Variants in DNAH9 observed in about 807,000 individuals in gnomAD.
DNAH9 encodes dynein axonemal heavy chain 9, also known as DNAH9 variant protein.
DNAH9 carries 345 observed loss-of-function variants against 471.6 expected under a neutral mutation model. The ratio of observed to expected loss-of-function variants is 0.73; its 90% CI spans 0.67 to 0.80. DNAH9 has a LOEUF of 0.80. Ranked by LOEUF, DNAH9 falls within the 30% of genes least tolerant of loss-of-function variation. The pLI is 0.00. For missense variants in DNAH9, 5,407 were observed against 5,609.2 expected (o/e 0.96, Z 1.15); for synonymous variants, 2,093 against 2,123.6 (o/e 0.99, Z 0.40).
chr17:11,652,468 G>A (rs1204429645), intron 13 of DNAH9, among the ~76,000 whole-genome samples: 1 of 151,696 alleles, frequency 6.6e-6, no homozygotes, highest in Admixed American at 6.6e-5. Flanking sequence ...TGTATTTTTA[G>A]TAGAGACAGG....
chr17:11,821,125 A>G lies in DNAH9; in HGVS notation c.8708-795A>G, dbSNP rs369667851. The stretch of plus-strand genomic sequence containing the variant: ...TGGTGAAATTCTATCTCTACTAAAA[A>G]TACAAAAAAAATTAGCCGGGCATGG... On this transcript the variant is annotated intron_variant, in intron 45 of 68. Coordinates refer to ENST00000262442, the MANE Select transcript of DNAH9 (RefSeq NM_001372.4). Among the ~76,000 whole-genome samples, 68 of 152,128 alleles carry G rather than the reference A, an allele frequency of 4.5e-4. No individual in the cohort carries two copies. In the East Asian group the frequency reaches 0.011, roughly 26 times the overall value.
At chr17:11,599,225 C>G (rs561020915) in intron 1 of DNAH9, among the ~76,000 whole-genome samples, 43 of 152,114 alleles carry the variant, frequency 2.8e-4, no homozygotes, top group African/African-American at 9.6e-4. Context: ...GGTCTGGGTT[C>G]CAGCCAAAGT....
In DNAH9 at chr17:11,644,687, C is replaced by T; in HGVS notation, c.1958C>T (p.Ser653Leu). The change falls in exon 11 of 69, where the codon TCA (serine) becomes TTA (leucine). Residue 653 changes from serine (S) to leucine (L), a missense_variant. Physicochemically the swap from Ser to Leu is moderately radical, Grantham distance 145. Around this residue, in one of 3 missense-constraint regions of DNAH9, gnomAD observed 4,636 missense variants for 4,900.3 expected, o/e 0.95. Coordinates refer to ENST00000262442, the MANE Select transcript of DNAH9 (RefSeq NM_001372.4). ...CAACAAAAATATGAAGATATGCTGT[C>T]ATTGCTAGAAAAGTAAGCAACTTCT... is the stretch of plus-strand genomic sequence containing the variant. Reference protein sequence around the residue: ...RMQQKYEDMLSLLEKYETRLY... With the variant: ...RMQQKYEDMLLLLEKYETRLY... The T allele has an allele frequency of 6.2e-7, 1 of 1,611,916 alleles. No individual in the cohort carries two copies. Among genetic ancestry groups the T allele is most frequent in the Non-Finnish European group, 8.5e-7 (1 of 1,178,716 alleles).
Position 11,834,667 on chromosome 17 carries a change from C to G in DNAH9, c.9276C>G (p.Ala3092=). The G allele has an allele frequency of 6.2e-7, 1 of 1,614,024 alleles. No individual in the cohort carries two copies. Among genetic ancestry groups the G allele is most frequent in the Non-Finnish European group, 8.5e-7 (1 of 1,180,014 alleles). ...QVDDLKAKLA[A]QEVELKQKNE... Reference sequence around the variant, plus strand: ...ATGATCTGAAAGCAAAGCTGGCTGCCCAGGAAGTAGAGCTGAAGCAGAAAA... The same window carrying G: ...ATGATCTGAAAGCAAAGCTGGCTGCGCAGGAAGTAGAGCTGAAGCAGAAAA... The change falls in exon 49 of 69, where the codon GCC becomes GCG. Residue 3092 remains alanine (A), a synonymous_variant. Coordinates refer to ENST00000262442, the MANE Select transcript of DNAH9 (RefSeq NM_001372.4).
intron 26 of DNAH9, among the ~76,000 whole-genome samples, chr17:11,708,761 A>G (rs970460610): frequency 4.6e-5 from 7 of 152,180 alleles, no homozygotes; most frequent in Non-Finnish European, 8.8e-5. Flanking sequence ...TTGGGAGTTT[A>G]TACCACTTGG....
At chr17:11,636,218 C>G (rs747609980) in intron 8 of DNAH9, among the ~76,000 whole-genome samples, 2 of 152,122 alleles carry the variant, frequency 1.3e-5, no homozygotes, top group African/African-American at 2.4e-5. Flanking sequence ...CTTGGCCAGG[C>G]TGGTCTTGAA....
rs541715418 is a variant in DNAH9 at position 11,849,535 on chromosome 17, C to A, written c.9508-4468C>A. The stretch of plus-strand genomic sequence containing the variant: ...CTGTCCTCCCCACTGTACATCATAG[C>A]CAAGCTTGCTTCTGCCACAGGCCTT... On this transcript the variant is annotated intron_variant, in intron 49 of 68. Transcript: ENST00000262442. Among the ~76,000 whole-genome samples the A allele has an allele frequency of 1.1e-4, 16 of 152,326 alleles. 1 individual carries two copies. Among genetic ancestry groups the A allele is most frequent in the Middle Eastern group, 3.4e-3 (1 of 294 alleles).
chr17:11,634,227 C>T (rs1330200545), intron 8 of DNAH9, among the ~76,000 whole-genome samples: 2 of 152,192 alleles, frequency 1.3e-5, no homozygotes, highest in Non-Finnish European at 2.9e-5. Context: ...CCTCCGATCC[C>T]TTCTGCCTAC....
intron 38 of DNAH9, among the ~76,000 whole-genome samples, chr17:11,774,405 A>T (rs1340545120): frequency 2.0e-5 from 3 of 152,192 alleles, no homozygotes; most frequent in Non-Finnish European, 4.4e-5. Flanking sequence ...TGGGTAATTT[A>T]TAAAGGACAG....
At chr17:11,881,462 C>T in intron 55 of DNAH9, 49 bp downstream of exon 55, 3 of 1,564,528 alleles carry the variant, frequency 1.9e-6, no homozygotes, top group Non-Finnish European at 2.6e-6. Flanking sequence ...CTGCAGTGTA[C>T]TCCACTCTGG....
intron 53 of DNAH9, 117 bp downstream of exon 53, chr17:11,875,301 C>G (rs1407921391): frequency 1.8e-5 from 14 of 776,116 alleles, no homozygotes; most frequent in Admixed American, 2.7e-5. Context: ...CTCCATCAGG[C>G]TTCTCACGTT....
At chr17:11,857,417 T>C (rs1036657779) in intron 50 of DNAH9, among the ~76,000 whole-genome samples, 2 of 152,156 alleles carry the variant, frequency 1.3e-5, no homozygotes, top group Non-Finnish European at 2.9e-5. Flanking sequence ...ACACAGGAGA[T>C]GGGCTAACAC....
At chr17:11,879,982 C>CA in intron 53 of DNAH9, 96 bp from the exon 54 acceptor site, 4 of 1,427,288 alleles carry the variant, frequency 2.8e-6, no homozygotes, top group Non-Finnish European at 3.8e-6. Context: ...CCAACTATAC[C>CA]ACCATGTCTT....
chr17:11,914,591 TA>T (rs1244401004), intron 61 of DNAH9, among the ~76,000 whole-genome samples: 1 of 152,200 alleles, frequency 6.6e-6, no homozygotes, highest in African/African-American at 2.4e-5. Context: ...GTTTTGCTTA[TA>T]TAGCAGTTTG....
Position 11,629,559 on chromosome 17 carries a change from C to T in DNAH9, c.1493C>T (p.Ser498Phe). 2.5e-6 allele frequency: 4 copies of T among 1,613,888 alleles called. No individual in the cohort carries two copies. The highest frequency in any genetic ancestry group is 3.4e-6 in the Non-Finnish European group (4 of 1,179,956). Residue 498 changes from serine (S) to phenylalanine (F), a missense_variant, in exon 7 of 69, where the codon TCC becomes TTC. By Grantham distance (155) the Ser-to-Phe change is radical. Transcript: ENST00000262442. Reference sequence around the variant, plus strand: ...TACAGGCTTCTCTCAGGATCCTCCTCCGACTGCCTGTACCTCCAAAGCACG... The same window carrying T: ...TACAGGCTTCTCTCAGGATCCTCCTTCGACTGCCTGTACCTCCAAAGCACG... ...EMYRLLSGSS[S>F]DCLYLQSTDF...
intron 25 of DNAH9, 46 bp downstream of exon 25, chr17:11,704,488 A>G (rs2074662849): frequency 1.3e-6 from 2 of 1,594,600 alleles, no homozygotes; most frequent in Non-Finnish European, 1.7e-6. Flanking sequence ...GTACAGCTAC[A>G]CTGAGAACAG....
At chr17:11,832,193 A>T (rs190582832) in intron 48 of DNAH9, among the ~76,000 whole-genome samples, 3 of 152,212 alleles carry the variant, frequency 2.0e-5, no homozygotes, top group Admixed American at 6.5e-5. Flanking sequence ...TGGTTGGGGG[A>T]GCCCTAATTC....
intron 15 of DNAH9, among the ~76,000 whole-genome samples, chr17:11,668,009 A>G (rs990177927): frequency 6.6e-6 from 1 of 152,202 alleles, no homozygotes; most frequent in African/African-American, 2.4e-5. Flanking sequence ...CTACAATTGA[A>G]AAGTCATATA....
intron 50 of DNAH9, among the ~76,000 whole-genome samples, chr17:11,856,515 T>C (rs1971630494): frequency 7.0e-6 from 1 of 142,958 alleles, no homozygotes; most frequent in Non-Finnish European, 1.5e-5. Flanking sequence ...CAGGCCACCA[T>C]GGTGAAACCC....
Sources: gnomAD v4.1 joint callset for allele counts (sites outside exome capture counted in the v4.1 genomes callset) on GRCh38, gnomAD v4.1.1 for gene constraint, gnomAD v4.1.1 regional missense constraint, MANE v1.5 for transcripts, NCBI Gene and HGNC (gene_info 2026-07-23, HGNC 2026-07-21) for gene names.